Variants in LRP1B observed in about 807,000 individuals in gnomAD.
The protein encoded by LRP1B is LDL receptor related protein 1B.
A neutral mutation model predicts 556.6 loss-of-function variants in LRP1B; 217 were observed. The ratio of observed to expected loss-of-function variants is 0.39; its 90% CI spans 0.35 to 0.44. The LOEUF is 0.44. Ranked by LOEUF, LRP1B falls within the 20% of genes least tolerant of loss-of-function variation. LRP1B has a pLI of 1.00. For missense variants in LRP1B, 5,053 were observed against 5,620.8 expected, an observed-to-expected ratio of 0.90 and a Z score of 3.23; for synonymous variants, 2,047 against 1,865.8, an observed-to-expected ratio of 1.10 and a Z score of -2.50.
intron 66 of LRP1B, among the ~76,000 whole-genome samples, chr2:140,399,716 A>G (rs1391755815): frequency 2.0e-5 from 3 of 152,190 alleles, no homozygotes; most frequent in African/African-American, 7.2e-5. Context: ...TAAGGTCAGG[A>G]TAAGATCTAA....
chr2:140,619,727 T>C (rs535042305), intron 41 of LRP1B, among the ~76,000 whole-genome samples: 27 of 152,188 alleles, frequency 1.8e-4, no homozygotes, highest in Admixed American at 4.6e-4. Context: ...GAAATAAATG[T>C]TGGTATTATT....
intron 2 of LRP1B, among the ~76,000 whole-genome samples, chr2:141,692,297 C>A (rs192236088): frequency 1.3e-5 from 2 of 151,930 alleles, no homozygotes; most frequent in African/African-American, 4.8e-5. Context: ...ATGATCTGGG[C>A]CCTTTTCCAT....
At chr2:141,185,687 C>CAAAAAAAAAAAAAAAAA (rs111914547) in intron 7 of LRP1B, among the ~76,000 whole-genome samples, 1 of 132,168 alleles carries the variant, frequency 7.6e-6, no homozygotes, top group African/African-American at 3.0e-5. Flanking sequence ...AACAAACAAA[C>CAAAAAAAAAAAAAAAAA]AAAAAAAAAC....
chr2:141,584,483 G>C (rs1394459112), intron 2 of LRP1B, among the ~76,000 whole-genome samples: 1 of 152,052 alleles, frequency 6.6e-6, no homozygotes, highest in African/African-American at 2.4e-5. Context: ...TCCTATTTTA[G>C]CCACAAGAAA....
intron 1 of LRP1B, among the ~76,000 whole-genome samples, chr2:141,961,140 C>T (rs548898762): frequency 4.0e-5 from 6 of 151,676 alleles, no homozygotes; most frequent in African/African-American, 1.2e-4. Context: ...TATGAGCCAA[C>T]CGAGAGGTAA....
Position 140,352,911 on chromosome 2 carries a change from A to G in LRP1B, c.11650+42T>C, listed in dbSNP as rs757756880. On this transcript the variant is annotated intron_variant, in intron 76 of 90. Coordinates refer to ENST00000389484, the MANE Select transcript of LRP1B (RefSeq NM_018557.3). ...CATTTTTCTCCATAAAATGTTTACA[A>G]CAAAATTGTAATAGGATTTGCAATA... is the stretch of plus-strand genomic sequence containing the variant. The G allele has an allele frequency of 1.9e-6, 3 of 1,570,372 alleles. 1 individual carries two copies. The South Asian group carries it at 3.6e-5, about 19-fold the overall frequency.
intron 35 of LRP1B, among the ~76,000 whole-genome samples, chr2:140,733,591 C>T (rs781321533): frequency 3.9e-5 from 6 of 151,958 alleles, no homozygotes; most frequent in Non-Finnish European, 5.9e-5. Flanking sequence ...TATTATGTGA[C>T]GTGAAAGAAA....
rs190318904 is a variant in LRP1B at position 140,958,677 on chromosome 2, G to A, written c.2888-6737C>T. On this transcript the variant is annotated intron_variant, in intron 18 of 90. Coordinates refer to ENST00000389484, the MANE Select transcript of LRP1B (RefSeq NM_018557.3). ...GGAGACATGACTTTAGATTCAGGAAGCAAAATCTATTTTGAAATAAGTAAA... is the reference window on the plus strand; with the variant it reads ...GGAGACATGACTTTAGATTCAGGAAACAAAATCTATTTTGAAATAAGTAAA... Among the ~76,000 whole-genome samples the A allele has an allele frequency of 3.3e-5, 5 of 151,648 alleles. No homozygotes were observed. The East Asian group carries it at 7.7e-4, about 23-fold the overall frequency.
intron 1 of LRP1B, among the ~76,000 whole-genome samples, chr2:141,936,612 C>A (rs1212669807): frequency 1.3e-5 from 2 of 152,176 alleles, no homozygotes; most frequent in Non-Finnish European, 2.9e-5. Flanking sequence ...TTTGTTACAG[C>A]AGTTCTAACA....
chr2:140,624,680 C>CTGT (rs528202885), intron 41 of LRP1B, among the ~76,000 whole-genome samples: 2 of 152,062 alleles, frequency 1.3e-5, no homozygotes, highest in African/African-American at 2.4e-5. Context: ...GCATAAGACC[C>CTGT]TGTTGTTGTT....
chr2:141,693,973 T>A (rs1691638421), intron 2 of LRP1B, among the ~76,000 whole-genome samples: 1 of 151,998 alleles, frequency 6.6e-6, no homozygotes, highest in African/African-American at 2.4e-5. Context: ...ACAAACAAAG[T>A]GGACTAGGAA....
chr2:140,878,880 A>G (rs1693387063), intron 25 of LRP1B, among the ~76,000 whole-genome samples: 1 of 151,768 alleles, frequency 6.6e-6, no homozygotes, highest in African/African-American at 2.4e-5. Context: ...GGTGGCACGC[A>G]TCTGTAATCC....
chr2:142,093,709 A>T (rs1434296205), intron 1 of LRP1B, among the ~76,000 whole-genome samples: 1 of 152,062 alleles, frequency 6.6e-6, no homozygotes, highest in Non-Finnish European at 1.5e-5. Flanking sequence ...CCTGTGTGAC[A>T]GCTGCATTAA....
chr2:140,520,808 A>G lies in LRP1B; in HGVS notation c.8027-3797T>C, dbSNP rs115174891. On this transcript the variant is annotated intron_variant, in intron 49 of 90. Coordinates refer to ENST00000389484, the MANE Select transcript of LRP1B (RefSeq NM_018557.3). ...AACACTAAGAAAACAGAAAAAAAAA[A>G]AAAAAAGAAAATTCAGGATTTGAAA... is the stretch of plus-strand genomic sequence containing the variant. 4.9e-3 allele frequency among the ~76,000 whole-genome samples: 741 copies of G among 149,726 alleles called. 15 individuals are homozygous for G. Among genetic ancestry groups the G allele is most frequent in the African/African-American group, 0.017 (685 of 41,022 alleles).
At chr2:141,684,273 A>G (rs907274465) in intron 2 of LRP1B, among the ~76,000 whole-genome samples, 1 of 152,156 alleles carries the variant, frequency 6.6e-6, no homozygotes, top group Admixed American at 6.6e-5. Flanking sequence ...CTATGCAGCC[A>G]TAAAAAAGGA....
At chr2:141,381,295 C>T (rs1193437107) in intron 3 of LRP1B, among the ~76,000 whole-genome samples, 5 of 150,790 alleles carry the variant, frequency 3.3e-5, no homozygotes, top group South Asian at 2.1e-4. Context: ...AGAGCAGACT[C>T]GATCAAGCAG....
chr2:141,122,827 A>G (rs1302218407), intron 7 of LRP1B, among the ~76,000 whole-genome samples: 2 of 152,196 alleles, frequency 1.3e-5, no homozygotes, highest in African/African-American at 2.4e-5. Flanking sequence ...ACTATTCACA[A>G]TAGCAAAGAC....
chr2:141,650,017 T>A (rs1243268596), intron 2 of LRP1B, among the ~76,000 whole-genome samples: 1 of 152,060 alleles, frequency 6.6e-6, no homozygotes, highest in African/African-American at 2.4e-5. Context: ...CTGTCTCTAC[T>A]AAAAATATAA....
intron 3 of LRP1B, among the ~76,000 whole-genome samples, chr2:141,318,056 A>C (rs1687094659): frequency 6.6e-6 from 1 of 152,118 alleles, no homozygotes; most frequent in Admixed American, 6.6e-5. Flanking sequence ...CAAAAACACC[A>C]CTAAGGGTTA....
Sources: allele counts gnomAD v4.1 joint callset (sites outside exome capture counted in the v4.1 genomes callset), GRCh38; gene constraint gnomAD v4.1.1; transcripts MANE v1.5; gene names NCBI Gene and HGNC (gene_info 2026-07-23, HGNC 2026-07-21).